The following DAB2 variants were observed in gnomAD, a reference collection of about 807,000 sequenced individuals.
The protein encoded by DAB2 is DAB adaptor protein 2.
DAB2 carries 28 observed loss-of-function variants against 71.6 expected under a neutral mutation model. The ratio of observed to expected loss-of-function variants is 0.39; its 90% CI spans 0.29 to 0.54. DAB2 has a LOEUF of 0.54. Ranked by LOEUF, DAB2 falls within the 20% of genes least tolerant of loss-of-function variation. DAB2 has a pLI of 0.68. For missense variants in DAB2, 867 were observed against 928.8 expected (o/e 0.93, Z 0.86); for synonymous variants, 345 against 339.7 (o/e 1.02, Z -0.17).
chr5:39,399,319 A>T lies in DAB2; in HGVS notation c.-101-4898T>A, dbSNP rs1320791460. Among the ~76,000 whole-genome samples, 3 of 152,348 alleles carry T rather than the reference A, an allele frequency of 2.0e-5. No individual in the cohort carries two copies. The East Asian group carries it at 5.8e-4, about 29-fold the overall frequency. On this transcript the variant is annotated intron_variant, in intron 1 of 14. Coordinates refer to ENST00000320816, the MANE Select transcript of DAB2 (RefSeq NM_001343.4). The stretch of plus-strand genomic sequence containing the variant: ...AATGAAAGCTCAAAAACATATAAAA[A>T]GGCTCACAAGCACAGTTCCCCATCT...
chr5:39,389,535 G>C (rs1319365371), intron 6 of DAB2, among the ~76,000 whole-genome samples: 1 of 152,152 alleles, frequency 6.6e-6, no homozygotes, highest in Non-Finnish European at 1.5e-5. Context: ...GTTTGAGACA[G>C]AGTCTCGTTC....
intron 14 of DAB2, among the ~76,000 whole-genome samples, chr5:39,374,158 G>C (rs1754763573): frequency 6.6e-6 from 1 of 152,022 alleles, no homozygotes; most frequent in Non-Finnish European, 1.5e-5. Context: ...TCACAGTTTA[G>C]TAGTCCTGTT....
chr5:39,418,918 T>G (rs1250800720), intron 1 of DAB2, among the ~76,000 whole-genome samples: 4 of 152,224 alleles, frequency 2.6e-5, no homozygotes, highest in Non-Finnish European at 1.5e-5. Context: ...ATTTTCCTGA[T>G]GGAGAAATGA....
At chr5:39,388,954 C>A in intron 7 of DAB2, 102 bp from the exon 8 acceptor site, 1 of 1,306,644 alleles carries the variant, frequency 7.7e-7, no homozygotes. Flanking sequence ...TTGGTATCAT[C>A]TTTTAACTAA....
chr5:39,411,215 T>A (rs752028175), intron 1 of DAB2, among the ~76,000 whole-genome samples: 2 of 152,160 alleles, frequency 1.3e-5, no homozygotes, highest in Non-Finnish European at 2.9e-5. Context: ...CATATTTATA[T>A]TGAACTAAAA....
chr5:39,385,413 C>T (rs1755077272), intron 9 of DAB2: 2 of 152,200 alleles, frequency 1.3e-5, no homozygotes, highest in Non-Finnish European at 2.9e-5. Flanking sequence ...CAATGTTAGA[C>T]TTCTGAATAG....
At chr5:39,398,433 T>A (rs1433828872) in intron 1 of DAB2, among the ~76,000 whole-genome samples, 1 of 152,220 alleles carries the variant, frequency 6.6e-6, no homozygotes, top group Non-Finnish European at 1.5e-5. Flanking sequence ...TAAAGGTAAT[T>A]GATTTCCTTT....
At chr5:39,409,782 C>G (rs1296228072) in intron 1 of DAB2, among the ~76,000 whole-genome samples, 1 of 152,118 alleles carries the variant, frequency 6.6e-6, no homozygotes, top group Non-Finnish European at 1.5e-5. Context: ...AAACATTGTT[C>G]CTAATCCAGA....
In DAB2 at chr5:39,388,325, G is replaced by A; in HGVS notation, c.667C>T (p.Pro223Ser). Reference sequence around the variant, plus strand: ...CTTACTGTTGGACTATTTAGGTCAGGAGGTGTAGACATGTCCCCAAACAAA... The same window carrying A: ...CTTACTGTTGGACTATTTAGGTCAGAAGGTGTAGACATGTCCCCAAACAAA... ...MDLFGDMSTP[P>S]DLNSPTESKD... The change falls in exon 9 of 15, where the codon CCT (proline) becomes TCT (serine). Residue 223 changes from proline to serine, a missense_variant. Physicochemically the swap from Pro to Ser is moderately conservative, Grantham distance 74 (BLOSUM62 -1). Coordinates refer to ENST00000320816, the MANE Select transcript of DAB2 (RefSeq NM_001343.4). 1 of 1,612,430 alleles carries A rather than the reference G, an allele frequency of 6.2e-7. No individual in the cohort carries two copies. Among genetic ancestry groups the A allele is most frequent in the Non-Finnish European group, 8.5e-7 (1 of 1,178,914 alleles).
chr5:39,413,180 C>G (rs1418369165), intron 1 of DAB2, among the ~76,000 whole-genome samples: 1 of 152,092 alleles, frequency 6.6e-6, no homozygotes, highest in Non-Finnish European at 1.5e-5. Flanking sequence ...GTTGCACAGA[C>G]TTGCCCTTTG....
chr5:39,402,497 A>T (rs1050249044), intron 1 of DAB2, among the ~76,000 whole-genome samples: 1 of 151,546 alleles, frequency 6.6e-6, no homozygotes, highest in Non-Finnish European at 1.5e-5. Flanking sequence ...GCTCACTAAA[A>T]CCTCCACCTC....
chr5:39,411,900 T>G (rs574338690), intron 1 of DAB2, among the ~76,000 whole-genome samples: 1 of 152,242 alleles, frequency 6.6e-6, no homozygotes, highest in South Asian at 2.1e-4. Context: ...CAGAAGCATA[T>G]GAACAATTAG....
intron 5 of DAB2, 83 bp downstream of exon 5, chr5:39,390,361 A>C (rs945072263): frequency 6.8e-7 from 1 of 1,471,740 alleles, no homozygotes; most frequent in African/African-American, 1.4e-5. Context: ...AATTATTTCC[A>C]GTAAATCTTT....
At position 39,372,565 on chromosome 5, in the gene DAB2, G is replaced by A. The variant is rs1413616552; in HGVS notation, c.*866C>T. On this transcript the variant is annotated 3_prime_UTR_variant, in exon 15 of 15. Transcript: ENST00000320816. ...TAGGTTGTGCCCATTTGCAATTCTA[G>A]TTCTTGGGACTAGCAATTACTGAGA... 5 of 151,890 alleles carry A rather than the reference G, an allele frequency of 3.3e-5. No homozygotes were observed. 9.4% of individuals were successfully genotyped at this position (151,890 alleles called of 1,614,324 possible).
intron 1 of DAB2, among the ~76,000 whole-genome samples, chr5:39,412,948 T>C (rs1413899001): frequency 2.0e-5 from 3 of 152,154 alleles, no homozygotes; most frequent in Admixed American, 1.3e-4. Context: ...TAAAAGATAT[T>C]CATGTCTGCT....
intron 14 of DAB2, chr5:39,374,799 A>G: frequency 2.0e-6 from 1 of 494,442 alleles, no homozygotes; most frequent in Non-Finnish European, 3.6e-6. Flanking sequence ...CCCCAAGGGT[A>G]TATTACTATT....
In DAB2 at chr5:39,420,973, G is replaced by C. The variant is rs1325842809; in HGVS notation, c.-102+3831C>G. On this transcript the variant is annotated intron_variant, in intron 1 of 14. Transcript: ENST00000320816. ...CTAGCCTAGTCATTCAGTTTAATCC[G>C]GGTGGTCCCTCCCTTCCCACTTCCT... Among the ~76,000 whole-genome samples, 3 of 152,078 alleles carry C rather than the reference G, an allele frequency of 2.0e-5. No individual in the cohort carries two copies. The South Asian group carries it at 6.2e-4, about 32-fold the overall frequency.
chr5:39,407,306 G>T (rs184460143), intron 1 of DAB2, among the ~76,000 whole-genome samples: 1 of 152,118 alleles, frequency 6.6e-6, no homozygotes, highest in South Asian at 2.1e-4. Context: ...TGCAACCTCC[G>T]CCTCCCAGGT....
chr5:39,394,272 G>A lies in DAB2; in HGVS notation c.49C>T (p.Gln17Ter). Residue 17 changes from glutamine to a stop codon, truncating the protein, a stop_gained, in exon 2 of 15, where the codon CAG (glutamine) becomes TAG (stop). Transcript: ENST00000320816. LOFTEE classifies it high-confidence loss of function. ...TSATNGQPDQ[Q>*]AAPKAPSKKE... is the part of the protein sequence containing the mutation. Reference sequence around the variant, plus strand: ...TTTGAGGGTGCTTTTGGTGCGGCCTGTTGGTCGGGCTGACCATTGGTTGCA... The same window carrying A: ...TTTGAGGGTGCTTTTGGTGCGGCCTATTGGTCGGGCTGACCATTGGTTGCA... 6.2e-7 allele frequency: 1 copy of A among 1,614,114 alleles called. No individual in the cohort carries two copies. The highest frequency in any genetic ancestry group is 8.5e-7 in the Non-Finnish European group (1 of 1,180,006).
Sources: gnomAD v4.1 joint callset for allele counts (sites outside exome capture counted in the v4.1 genomes callset) on GRCh38, gnomAD v4.1.1 for gene constraint, MANE v1.5 for transcripts, NCBI Gene and HGNC (gene_info 2026-07-23, HGNC 2026-07-21) for gene names.